The following SEM1 variants were observed in gnomAD, a reference collection of about 807,000 sequenced individuals.
SEM1 encodes 26S proteasome complex subunit SEM1.
In SEM1, 3 loss-of-function variants were observed where a neutral mutation model predicts 12.7. That is an observed-to-expected ratio of 0.24 (90% CI 0.11 to 0.61). The LOEUF (loss-of-function observed/expected upper bound fraction) is 0.61. SEM1 is among the 20% of genes least tolerant of loss of function. The pLI is 0.88. For synonymous variants in SEM1, 30 were observed against 27.8 expected (o/e 1.08, Z -0.25); for missense variants, 59 against 81.3 (o/e 0.73, Z 1.06).
At chr7:96,705,101 C>T (rs1390170447) in intron 1 of SEM1, among the ~76,000 whole-genome samples, 1 of 152,094 alleles carries the variant, frequency 6.6e-6, no homozygotes, top group African/African-American at 2.4e-5. Flanking sequence ...ATGCTGGCAG[C>T]ATTAGGGGAT....
intron 2 of SEM1, among the ~76,000 whole-genome samples, chr7:96,537,534 AT>A (rs945088066): frequency 4.0e-5 from 6 of 150,692 alleles, no homozygotes; most frequent in Non-Finnish European, 7.4e-5. Context: ...GGAATTCTAG[AT>A]TTTTTTTTCT....
At chr7:96,703,879 A>G (rs2116011709) in intron 1 of SEM1, among the ~76,000 whole-genome samples, 1 of 151,920 alleles carries the variant, frequency 6.6e-6, no homozygotes, top group Admixed American at 6.6e-5. Context: ...GGATCACTCA[A>G]TCCCAGGAGT....
chr7:96,582,870 T>A (rs1434619557), intron 2 of SEM1, among the ~76,000 whole-genome samples: 1 of 152,216 alleles, frequency 6.6e-6, no homozygotes, highest in Non-Finnish European at 1.5e-5. Flanking sequence ...TCTTTTCTTC[T>A]TTATTAGTCT....
In SEM1 at chr7:96,490,473, T is replaced by C. The variant is rs182190262; in HGVS notation, c.13-4056A>G. Among the ~76,000 whole-genome samples the C allele has an allele frequency of 4.5e-3, 687 of 152,274 alleles. 3 individuals carry two copies. The highest frequency in any genetic ancestry group is 7.8e-3 in the Non-Finnish European group (529 of 68,006). On this transcript the variant is annotated intron_variant, in intron 1 of 3. Transcript: ENST00000356686. Reference sequence around the variant, plus strand: ...TCCCATTATGAACTAGAAATAATATTTTTACATGAAACAAAAATGCTAAAT... The same window carrying C: ...TCCCATTATGAACTAGAAATAATATCTTTACATGAAACAAAAATGCTAAAT...
At chr7:96,708,696 A>C (rs1790546705) in intron 1 of SEM1, among the ~76,000 whole-genome samples, 1 of 152,268 alleles carries the variant, frequency 6.6e-6, no homozygotes, top group South Asian at 2.1e-4. Context: ...CAATCAGGCC[A>C]GGTTTCCCAG....
intron 2 of SEM1, among the ~76,000 whole-genome samples, chr7:96,570,197 A>G (rs1049050152): frequency 1.4e-5 from 2 of 142,948 alleles, no homozygotes; most frequent in Non-Finnish European, 3.0e-5. Context: ...GCATTTTTTG[A>G]CTTTTTTTTT....
intron 2 of SEM1, among the ~76,000 whole-genome samples, chr7:96,665,878 A>C (rs1262679262): frequency 6.6e-6 from 1 of 152,182 alleles, no homozygotes; most frequent in Non-Finnish European, 1.5e-5. Flanking sequence ...GACTCTTCAC[A>C]ATCCTGTGAG....
chr7:96,541,407 A>G (rs1804943172), intron 2 of SEM1, among the ~76,000 whole-genome samples: 1 of 121,280 alleles, frequency 8.2e-6, no homozygotes, highest in Non-Finnish European at 1.7e-5. Context: ...GTGTCTGATC[A>G]TGTCTTTTCC....
chr7:96,596,704 G>A (rs947086575), intron 2 of SEM1, among the ~76,000 whole-genome samples: 1 of 152,142 alleles, frequency 6.6e-6, no homozygotes, highest in Admixed American at 6.6e-5. Flanking sequence ...CAGAAGTCAC[G>A]TGCTAAATTG....
At chr7:96,610,280 G>C (rs1245710464) in intron 2 of SEM1, among the ~76,000 whole-genome samples, 1 of 152,046 alleles carries the variant, frequency 6.6e-6, no homozygotes, top group African/African-American at 2.4e-5. Context: ...TGTATTTTTA[G>C]TAGAGATGGG....
intron 1 of SEM1, among the ~76,000 whole-genome samples, chr7:96,702,522 A>G (rs1272670045): frequency 6.6e-6 from 1 of 152,254 alleles, no homozygotes; most frequent in Non-Finnish European, 1.5e-5. Flanking sequence ...GGAGTTCTGC[A>G]TGTTCAAATA....
chr7:96,570,072 C>T (rs7812221), intron 2 of SEM1, among the ~76,000 whole-genome samples: 83,879 of 151,746 alleles, frequency 0.55, 24,965 homozygotes, highest in Non-Finnish European at 0.68. Context: ...AATAGTAGTT[C>T]TATGTTTAGT....
downstream of SEM1, among the ~76,000 whole-genome samples, chr7:96,686,578 T>C (rs1188442954): frequency 1.3e-5 from 2 of 152,178 alleles, no homozygotes; most frequent in Non-Finnish European, 2.9e-5. Flanking sequence ...AACATCAACA[T>C]AGCTGCCTGT....
chr7:96,509,417 G>A (rs1434653332), intron 2 of SEM1, among the ~76,000 whole-genome samples: 1 of 152,028 alleles, frequency 6.6e-6, no homozygotes, highest in Non-Finnish European at 1.5e-5. Context: ...TACAAAGACT[G>A]AAGGACTGAT....
exon 4 of SEM1, chr7:96,483,565 C>T (rs1802628548): frequency 2.5e-6 from 1 of 403,478 alleles, no homozygotes; most frequent in South Asian, 2.2e-5. Context: ...CTCTACTGGG[C>T]TCTATTTTCA....
At chr7:96,598,732 C>T (rs2116177473) in intron 2 of SEM1, among the ~76,000 whole-genome samples, 1 of 152,200 alleles carries the variant, frequency 6.6e-6, no homozygotes, top group African/African-American at 2.4e-5. Context: ...GTCTTTTTGA[C>T]CACAGGCCCC....
At chr7:96,662,135 C>A (rs1193091905) in intron 2 of SEM1, among the ~76,000 whole-genome samples, 1 of 151,978 alleles carries the variant, frequency 6.6e-6, no homozygotes, top group Non-Finnish European at 1.5e-5. Context: ...GGATCTAGAA[C>A]CAGAAATGCC....
intron 2 of SEM1, among the ~76,000 whole-genome samples, chr7:96,560,004 G>A (rs1805642578): frequency 6.6e-6 from 1 of 152,190 alleles, no homozygotes; most frequent in African/African-American, 2.4e-5. Context: ...ACTTTTAGAT[G>A]TAAAACCTCC....
chr7:96,498,610 G>A (rs1440190854), upstream of SEM1, among the ~76,000 whole-genome samples: 3 of 152,138 alleles, frequency 2.0e-5, no homozygotes, highest in African/African-American at 4.8e-5. Flanking sequence ...TGCTGTTAAC[G>A]TATTCTGCAA....
Sources: gnomAD v4.1 joint callset for allele counts (sites outside exome capture counted in the v4.1 genomes callset) on GRCh38, gnomAD v4.1.1 for gene constraint, MANE v1.5 for transcripts, NCBI Gene and HGNC (gene_info 2026-07-23, HGNC 2026-07-21) for gene names.